LRP1: variants seen among roughly 807,000 people sequenced by gnomAD.
LRP1 encodes prolow-density lipoprotein receptor-related protein 1.
Under a neutral mutation model 541.5 loss-of-function variants are expected in LRP1, and 51 were observed. The observed-to-expected ratio is 0.09, with a 90% CI of 0.08 to 0.12. The LOEUF is 0.12. Among genes scored for constraint, LRP1 ranks in the 10% least tolerant of loss-of-function variants. LRP1 has a pLI of 1.00. For missense variants in LRP1, 3,878 were observed against 6,376.2 expected, an observed-to-expected ratio of 0.61 and a Z score of 13.34; for synonymous variants, 2,219 against 2,470.8, an observed-to-expected ratio of 0.90 and a Z score of 3.02.
chr12:57,145,238 C>T lies in LRP1; in HGVS notation c.589C>T (p.Arg197Trp), dbSNP rs1324362768. The change falls in exon 6 of 89, where the codon CGG becomes TGG. Residue 197 changes from arginine (R) to tryptophan (W), a missense_variant. Physicochemically the swap from Arg to Trp is moderately radical, Grantham distance 101. Transcript: ENST00000243077. ...TTCCCCATTCCCAGAGCCAGTAGAC[C>T]GGCCCCCTGTGCTGTTGATAGCCAA... is the stretch of plus-strand genomic sequence containing the variant. Reference protein sequence around the residue: ...SCKAKNEPVDRPPVLLIANSQ... With the variant: ...SCKAKNEPVDWPPVLLIANSQ... 5 of 1,614,128 alleles carry T rather than the reference C, an allele frequency of 3.1e-6. No individual in the cohort carries two copies. Among genetic ancestry groups the T allele is most frequent in the Non-Finnish European group, 4.2e-6 (5 of 1,180,012 alleles).
chr12:57,155,066 A>C (rs1010357828), intron 8 of LRP1: 10 of 517,510 alleles, frequency 1.9e-5, no homozygotes, highest in African/African-American at 1.7e-4. Context: ...GGGTGATAGC[A>C]CTGGAACTTG....
Position 57,156,188 on chromosome 12 carries a change from G to A in LRP1, c.1322G>A (p.Arg441His), listed in dbSNP as rs1252585355. 3.1e-6 allele frequency: 5 copies of A among 1,614,108 alleles called. No homozygotes were observed. The highest frequency in any genetic ancestry group is 4.2e-6 in the Non-Finnish European group (5 of 1,180,020). The change falls in exon 9 of 89, where the codon CGT becomes CAT. Residue 441 changes from arginine (R) to histidine (H), a missense_variant. By Grantham distance (29) the Arg-to-His change is conservative (BLOSUM62 0). This residue lies in a region of LRP1 where 496 missense variants were observed against 861.0 expected (regional missense o/e 0.58). Coordinates refer to ENST00000243077, the MANE Select transcript of LRP1 (RefSeq NM_002332.3). The surrounding 1 kb of genome is among the most constrained non-coding windows in gnomAD (Gnocchi z 5.2). ...GCCCAGCAGAAGACGAGTGTGATCC[G>A]TGTGAACCGCTTTAACAGCACCGAG... Reference protein sequence around the residue: ...ANAQQKTSVIRVNRFNSTEYQ... With the variant: ...ANAQQKTSVIHVNRFNSTEYQ...
rs566001088 is a variant in LRP1, at chr12:57,156,364, G to T, written c.1417+81G>T. On this transcript the variant is annotated intron_variant, in intron 9 of 88. Transcript: ENST00000243077. This position sits in a 1 kb window ranked among gnomAD's most constrained non-coding sequence, Gnocchi z 5.2. ...GACCTTGGGATCACAGCCCCTCTCT[G>T]GGCCCTCCTGTGGGGACCCTGGCTT... 2.8e-6 allele frequency: 4 copies of T among 1,417,738 alleles called. No homozygotes were observed. The African/African-American group carries it at 5.7e-5, about 20-fold the overall frequency. 87.8% of individuals were successfully genotyped at this position (1,417,738 alleles called of 1,614,324 possible).
chr12:57,180,858 C>A, intron 33 of LRP1, 51 bp downstream of exon 33: 4 of 1,605,830 alleles, frequency 2.5e-6, no homozygotes, highest in Non-Finnish European at 3.4e-6. Flanking sequence ...ACAGGGGAGC[C>A]GTCCAGAGCT....
intron 60 of LRP1, 30 bp from the exon 61 acceptor site, chr12:57,199,182 T>C: frequency 6.2e-7 from 1 of 1,603,980 alleles, no homozygotes; most frequent in Non-Finnish European, 8.5e-7. Flanking sequence ...TCCGGCTGAC[T>C]GGCACTGTGC....
At position 57,197,458 on chromosome 12, in the gene LRP1, C is replaced by T; in HGVS notation, c.9162+74C>T. ...ACAGCCTCCCTTGCAAGTCTCCCCG[C>T]TTAGGTCCAACCATCCCTCCCCCAG... On this transcript the variant is annotated intron_variant, in intron 57 of 88. Transcript: ENST00000243077. This position sits in a 1 kb window ranked among gnomAD's most constrained non-coding sequence, Gnocchi z 4.5. 6.2e-7 allele frequency: 1 copy of T among 1,611,720 alleles called. No individual in the cohort carries two copies. The highest frequency in any genetic ancestry group is 8.5e-7 in the Non-Finnish European group (1 of 1,178,220).
In LRP1 at chr12:57,178,763, G is replaced by C; in HGVS notation, c.4607-127G>C. 1 of 1,510,218 alleles carries C rather than the reference G, an allele frequency of 6.6e-7. No individual in the cohort carries two copies. The highest frequency in any genetic ancestry group is 1.3e-5 in the South Asian group (1 of 79,584). The allele number at this position is 1,510,218 out of a possible 1,614,324, so 93.6% of individuals were successfully genotyped here. ...TTGACAGAGGCACTGTCTAGCAGCA[G>C]AGAAGGGTCTAGTAGTAGCGGCTGC... On this transcript the variant is annotated intron_variant, in intron 27 of 88. Coordinates refer to ENST00000243077, the MANE Select transcript of LRP1 (RefSeq NM_002332.3). This position sits in a 1 kb window ranked among gnomAD's most constrained non-coding sequence, Gnocchi z 5.8.
chr12:57,148,396 G>A (rs1367408736), intron 6 of LRP1, among the ~76,000 whole-genome samples: 13 of 152,092 alleles, frequency 8.5e-5, no homozygotes, highest in Admixed American at 7.2e-4. Flanking sequence ...GGCCCAGAGG[G>A]ATCAACAGGC....
At position 57,184,795 on chromosome 12, in the gene LRP1, G is replaced by A; in HGVS notation, c.6187-44G>A. 6.3e-7 allele frequency: 1 copy of A among 1,584,542 alleles called. No homozygotes were observed. Among genetic ancestry groups the A allele is most frequent in the East Asian group, 2.3e-5 (1 of 44,358 alleles). ...TGCTGCCCCAGACATGGGGCTGGCA[G>A]CGAGCTCAGCCCTGGAGGTGAGGTG... On this transcript the variant is annotated intron_variant, in intron 38 of 88. Transcript: ENST00000243077. This position sits in a 1 kb window ranked among gnomAD's most constrained non-coding sequence, Gnocchi z 7.8.
chr12:57,166,230 C>T (rs1165293293), intron 17 of LRP1, 21 bp downstream of exon 17: 2 of 1,578,596 alleles, frequency 1.3e-6, no homozygotes, highest in Non-Finnish European at 1.7e-6. Flanking sequence ...GGGCTCAGAT[C>T]ACACGAGGCA....
At chr12:57,144,856 C>A in intron 4 of LRP1, 116 bp from the exon 5 acceptor site, 2 of 1,047,862 alleles carry the variant, frequency 1.9e-6, no homozygotes, top group Non-Finnish European at 1.5e-6. Context: ...TAGATTCTGC[C>A]GAACTGTCCT....
intron 44 of LRP1, among the ~76,000 whole-genome samples, chr12:57,192,106 AC>A (rs2036424099): frequency 6.7e-6 from 1 of 149,100 alleles, no homozygotes; most frequent in African/African-American, 2.5e-5. Context: ...TGCCACACAC[AC>A]ACACACACAT....
chr12:57,208,240 G>A, intron 77 of LRP1, 24 bp downstream of exon 77: 2 of 1,605,858 alleles, frequency 1.2e-6, no homozygotes, highest in Non-Finnish European at 1.7e-6. Flanking sequence ...CTGGGGGGAG[G>A]CCTCTGGGCT....
At position 57,185,096 on chromosome 12, in the gene LRP1, C is replaced by G; in HGVS notation, c.6354C>G (p.Gly2118=). The change falls in exon 40 of 89, where the codon GGC becomes GGG. Residue 2118 remains glycine (G), a synonymous_variant. Coordinates refer to ENST00000243077, the MANE Select transcript of LRP1 (RefSeq NM_002332.3). The surrounding 1 kb of genome is among the most constrained non-coding windows in gnomAD (Gnocchi z 4.9). ...CTTCCCTCAGGACTCATGCCAACGG[C>G]TCTATCAAGCGCGGGAGCAAAGACA... ...IYWSDRTHAN[G]SIKRGSKDNA... 6.2e-7 allele frequency: 1 copy of G among 1,614,168 alleles called. No homozygotes were observed. The highest frequency in any genetic ancestry group is 2.2e-5 in the East Asian group (1 of 44,878).
rs1434574416 is a variant in LRP1 at position 57,185,245 on chromosome 12, G to A, written c.6463+40G>A. 6.2e-7 allele frequency: 1 copy of A among 1,610,574 alleles called. No individual in the cohort carries two copies. Among genetic ancestry groups the A allele is most frequent in the Middle Eastern group, 1.7e-4 (1 of 6,040 alleles). ...CTGGGCTGGGGTGGAGAGGTGAGGG[G>A]GACTCTGGCCTGGGAGAGTGCTCCC... On this transcript the variant is annotated intron_variant, in intron 40 of 88. Transcript: ENST00000243077. The surrounding 1 kb of genome is among the most constrained non-coding windows in gnomAD (Gnocchi z 4.9).
intron 15 of LRP1, among the ~76,000 whole-genome samples, chr12:57,163,483 G>A (rs1296505885): frequency 2.0e-5 from 3 of 151,854 alleles, no homozygotes; most frequent in Admixed American, 6.6e-5. Context: ...GGAGGCTGAG[G>A]CAGGAGAATC....
At position 57,158,654 on chromosome 12, in the gene LRP1, GA is replaced by G; in HGVS notation, c.1798+17del. ...CTGAAGGACGGTATGGGCTCCTAGG[GA>G]TGTGGCCCATGGGGATGGAAGGGGG... On this transcript the variant is annotated intron_variant, in intron 11 of 88. Transcript: ENST00000243077. This position sits in a 1 kb window ranked among gnomAD's most constrained non-coding sequence, Gnocchi z 5.3. 6.2e-7 allele frequency: 1 copy of G among 1,609,330 alleles called. No individual in the cohort carries two copies. Among genetic ancestry groups the G allele is most frequent in the Non-Finnish European group, 8.5e-7 (1 of 1,175,734 alleles).
rs779924766 is a variant in LRP1, at chr12:57,184,870, C to A, written c.6218C>A (p.Thr2073Lys). The A allele has an allele frequency of 1.9e-6, 3 of 1,614,090 alleles. No individual in the cohort carries two copies. Among genetic ancestry groups the A allele is most frequent in the South Asian group, 2.2e-5 (2 of 91,082 alleles). The stretch of plus-strand genomic sequence containing the variant: ...AAGCTGTACTGGTGCGATGCACGGA[C>A]AGACAAGATTGAACGGATCGACCTG... ...DGKLYWCDAR[T>K]DKIERIDLET... Residue 2073 changes from threonine to lysine, a missense_variant, in exon 39 of 89, where the codon ACA becomes AAA. Thr to Lys is a moderately conservative substitution (Grantham distance 78). Coordinates refer to ENST00000243077, the MANE Select transcript of LRP1 (RefSeq NM_002332.3). This position sits in a 1 kb window ranked among gnomAD's most constrained non-coding sequence, Gnocchi z 7.8.
chr12:57,142,337 C>T (rs1565714805), intron 3 of LRP1, among the ~76,000 whole-genome samples: 2 of 152,054 alleles, frequency 1.3e-5, no homozygotes. Context: ...AGGGGAGGGG[C>T]TGTGCTTGGG....
Sources: allele counts gnomAD v4.1 joint callset (sites outside exome capture counted in the v4.1 genomes callset), GRCh38; gene constraint gnomAD v4.1.1; regional missense constraint gnomAD v4.1.1; non-coding constraint Gnocchi (gnomAD v3.1); transcripts MANE v1.5; gene names NCBI Gene and HGNC (gene_info 2026-07-23, HGNC 2026-07-21).